The following MCTP1 variants were observed in gnomAD, a reference collection of about 807,000 sequenced individuals.
The protein encoded by MCTP1 is multiple C2 and transmembrane domain containing 1.
In MCTP1, 69 loss-of-function variants were observed where a neutral mutation model predicts 120.6. The observed-to-expected ratio is 0.57, with a 90% CI of 0.47 to 0.70. The LOEUF is 0.70. Ranked by LOEUF, MCTP1 falls within the 30% of genes least tolerant of loss-of-function variation. The pLI is 0.00. For synonymous variants in MCTP1, 529 were observed against 493.1 expected (o/e 1.07, Z -0.96); for missense variants, 1,203 against 1,248.8 (o/e 0.96, Z 0.55).
chr5:94,839,928 A>T (rs1465397089), intron 17 of MCTP1, among the ~76,000 whole-genome samples: 1 of 152,234 alleles, frequency 6.6e-6, no homozygotes, highest in African/African-American at 2.4e-5. Context: ...ATTGAAAGAA[A>T]CTAATTCACA....
intron 12 of MCTP1, 151 bp from the exon 13 acceptor site, chr5:94,873,392 A>G (rs1798191172): frequency 2.0e-6 from 1 of 509,158 alleles, no homozygotes. Flanking sequence ...AACCACCATC[A>G]AAATAGAGTT....
In MCTP1 at chr5:95,284,112, G is replaced by C. The variant is rs779084760; in HGVS notation, c.464C>G (p.Ser155Ter). The C allele has an allele frequency of 6.4e-7, 1 of 1,550,600 alleles. No homozygotes were observed. Among genetic ancestry groups the C allele is most frequent in the African/African-American group, 1.4e-5 (1 of 72,806 alleles). ...TGAGGCGGAGGAAGAGGAAGGAGCT[G>C]AGTCGGGGGAGCGTCCGCCAGGAGG... ...GTPPGGRSPDSAPSSSSASSS... is the reference protein window; with the variant it reads ...GTPPGGRSPD Residue 155 changes from serine to a stop codon, truncating the protein, a stop_gained, in exon 1 of 23, where the codon TCA (serine) becomes TGA (stop). Coordinates refer to ENST00000515393, the MANE Select transcript of MCTP1 (RefSeq NM_024717.7). LOFTEE classifies it high-confidence loss of function. This position sits in a 1 kb window ranked among gnomAD's most constrained non-coding sequence, Gnocchi z 5.2.
chr5:94,859,386 C>T (rs1353105406), intron 17 of MCTP1, among the ~76,000 whole-genome samples: 2 of 151,554 alleles, frequency 1.3e-5, no homozygotes, highest in African/African-American at 2.4e-5. Context: ...GTTCAATACC[C>T]GCATATGGTG....
At chr5:95,114,458 A>C (rs1232223557) in intron 1 of MCTP1, among the ~76,000 whole-genome samples, 9 of 152,198 alleles carry the variant, frequency 5.9e-5, no homozygotes, top group Admixed American at 5.9e-4. Flanking sequence ...AGGCAGCATT[A>C]GCTACAAGCT....
At chr5:94,962,654 A>G (rs1416020018) in intron 2 of MCTP1, among the ~76,000 whole-genome samples, 1 of 151,936 alleles carries the variant, frequency 6.6e-6, no homozygotes, top group Non-Finnish European at 1.5e-5. Flanking sequence ...TCTCACTCAT[A>G]AGTGGGAGCT....
intron 1 of MCTP1, among the ~76,000 whole-genome samples, chr5:95,197,256 G>C (rs1750498243): frequency 5.9e-5 from 9 of 152,140 alleles, no homozygotes; most frequent in Admixed American, 5.9e-4. Context: ...TTAATACTTT[G>C]TAATACTGAT....
intron 1 of MCTP1, among the ~76,000 whole-genome samples, chr5:95,170,078 T>A (rs1232553652): frequency 6.6e-5 from 10 of 152,226 alleles, no homozygotes; most frequent in South Asian, 2.1e-4. Flanking sequence ...ACACACTGCT[T>A]TGAATGTGTC....
At position 95,284,396 on chromosome 5, in the gene MCTP1, G is replaced by A. The variant is rs770726486; in HGVS notation, c.180C>T (p.Pro60=). Residue 60 remains proline, a synonymous_variant, in exon 1 of 23, where the codon CCC becomes CCT. Coordinates refer to ENST00000515393, the MANE Select transcript of MCTP1 (RefSeq NM_024717.7). The surrounding 1 kb of genome is among the most constrained non-coding windows in gnomAD (Gnocchi z 5.2). ...TADTPSPSPP[P]PVGTGNAPAR... is the part of the protein sequence containing the mutation. ...CCGGTGCATTCCCTGTGCCCACCGGGGGTGGCGGGGAGGGCGACGGGGTGT... is the reference window on the plus strand; with the variant it reads ...CCGGTGCATTCCCTGTGCCCACCGGAGGTGGCGGGGAGGGCGACGGGGTGT... 4 of 1,591,372 alleles carry A rather than the reference G, an allele frequency of 2.5e-6. No individual in the cohort carries two copies. The highest frequency in any genetic ancestry group is 1.3e-5 in the African/African-American group (1 of 74,236).
At chr5:95,028,553 C>T (rs999669314) in intron 1 of MCTP1, among the ~76,000 whole-genome samples, 1 of 152,164 alleles carries the variant, frequency 6.6e-6, no homozygotes, top group African/African-American at 2.4e-5. Flanking sequence ...GGATTGTCTG[C>T]TAAATTGACT....
At chr5:95,098,666 G>T (rs963146479) in intron 1 of MCTP1, among the ~76,000 whole-genome samples, 1 of 151,448 alleles carries the variant, frequency 6.6e-6, no homozygotes, top group African/African-American at 2.4e-5. Context: ...TGGGTAGGAA[G>T]AATCAATATC....
chr5:94,881,580 C>T (rs943066415), intron 12 of MCTP1, among the ~76,000 whole-genome samples: 7 of 151,976 alleles, frequency 4.6e-5, no homozygotes, highest in African/African-American at 1.4e-4. Context: ...GATCAGCATG[C>T]CTGCCCTGCC....
intron 1 of MCTP1, among the ~76,000 whole-genome samples, chr5:95,097,037 A>T (rs1756321879): frequency 6.6e-6 from 1 of 152,192 alleles, no homozygotes; most frequent in Non-Finnish European, 1.5e-5. Context: ...CTATCATGAA[A>T]GTGAATCAAT....
intron 19 of MCTP1, among the ~76,000 whole-genome samples, chr5:94,767,263 T>C (rs1000310104): frequency 6.6e-6 from 1 of 152,154 alleles, no homozygotes; most frequent in African/African-American, 2.4e-5. Context: ...AGAAGGAACA[T>C]ATCTCAACGT....
rs140471276 is a variant in MCTP1, at chr5:95,215,648, T to C, written c.720+68208A>G. On this transcript the variant is annotated intron_variant, in intron 1 of 22. Transcript: ENST00000515393. Reference sequence around the variant, plus strand: ...TTTTTTCTTTTTAGCCTTTCTGCTTTTTTTCTCTCCTTTTTTCTGCCTGAA... The same window carrying C: ...TTTTTTCTTTTTAGCCTTTCTGCTTCTTTTCTCTCCTTTTTTCTGCCTGAA... Among the ~76,000 whole-genome samples the C allele has an allele frequency of 7.3e-3, 1,115 of 152,302 alleles. 12 individuals carry two copies. Among genetic ancestry groups the C allele is most frequent in the South Asian group, 0.03 (147 of 4,830 alleles).
At chr5:94,864,871 C>T (rs529758974) in intron 17 of MCTP1, among the ~76,000 whole-genome samples, 1 of 151,904 alleles carries the variant, frequency 6.6e-6, no homozygotes, top group African/African-American at 2.4e-5. Context: ...ACTCTTTCTT[C>T]CCCCATGTTG....
At chr5:95,258,572 A>G (rs1758131091) in intron 1 of MCTP1, among the ~76,000 whole-genome samples, 1 of 152,222 alleles carries the variant, frequency 6.6e-6, no homozygotes. Context: ...TAAGTTAATA[A>G]TAATGAATCC....
intron 17 of MCTP1, among the ~76,000 whole-genome samples, chr5:94,819,340 A>G (rs910522006): frequency 9.2e-5 from 14 of 152,032 alleles, no homozygotes; most frequent in African/African-American, 2.9e-4. Context: ...CATGTTGGCC[A>G]GGCTGGTCTC....
chr5:95,068,148 A>C (rs1377251845), intron 1 of MCTP1, among the ~76,000 whole-genome samples: 2 of 152,236 alleles, frequency 1.3e-5, no homozygotes, highest in African/African-American at 2.4e-5. Flanking sequence ...GTTAAAATTA[A>C]TACTTTATTC....
chr5:94,858,220 A>G (rs1795067379), intron 17 of MCTP1, among the ~76,000 whole-genome samples: 1 of 151,644 alleles, frequency 6.6e-6, no homozygotes, highest in Non-Finnish European at 1.5e-5. Flanking sequence ...AGCGTCATTT[A>G]TACTACTTGG....
Sources: allele counts gnomAD v4.1 joint callset (sites outside exome capture counted in the v4.1 genomes callset), GRCh38; gene constraint gnomAD v4.1.1; non-coding constraint Gnocchi (gnomAD v3.1); transcripts MANE v1.5; gene names NCBI Gene and HGNC (gene_info 2026-07-23, HGNC 2026-07-21).